The following EPM2A variants were observed in gnomAD, a reference collection of about 807,000 sequenced individuals.
EPM2A encodes the protein laforin.
EPM2A carries 21 observed loss-of-function variants against 26.5 expected under a neutral mutation model. The observed-to-expected ratio is 0.79, with a 90% CI of 0.56 to 1.14. EPM2A has a LOEUF of 1.14. Among genes scored for constraint, EPM2A ranks in the 50% most tolerant of loss-of-function variants. EPM2A has a pLI of 0.00. For synonymous variants in EPM2A, 217 were observed against 177.6 expected (o/e 1.22, Z -1.76); for missense variants, 458 against 440.8 (o/e 1.04, Z -0.35).
chr6:145,621,958 G>GC (rs1775646621), downstream of EPM2A, among the ~76,000 whole-genome samples: 1 of 151,978 alleles, frequency 6.6e-6, no homozygotes. Context: ...ACTTCCACTT[G>GC]CTTATTTTTG....
chr6:145,659,807 A>C (rs1339657788), intron 2 of EPM2A, among the ~76,000 whole-genome samples: 1 of 152,226 alleles, frequency 6.6e-6, no homozygotes, highest in Non-Finnish European at 1.5e-5. Context: ...AGTTCCAGCC[A>C]ATCGCAGGCA....
intron 1 of EPM2A, among the ~76,000 whole-genome samples, chr6:145,710,644 T>G (rs1775261567): frequency 6.6e-6 from 1 of 152,134 alleles, no homozygotes; most frequent in Non-Finnish European, 1.5e-5. Context: ...GGATTATAAA[T>G]CATGCTGCTA....
At position 145,559,733 on chromosome 6, in the gene EPM2A, T is replaced by C. The variant is rs534189795; in HGVS notation, c.341-57158A>G. ...ACACGTAAACACCAAATCACTACGG[T>C]AAACTAATTGATACCAACTTTGTAA... On this transcript the variant is annotated intron_variant, in intron 2 of 3. Coordinates refer to the EPM2A transcript ENST00000450221. Among the ~76,000 whole-genome samples, 9 of 148,648 alleles carry C rather than the reference T, an allele frequency of 6.1e-5. No homozygotes were observed. In the East Asian group the frequency reaches 8.0e-4, roughly 13 times the overall value.
At chr6:145,610,024 G>C (rs1775357605) in intron 2 of EPM2A, among the ~76,000 whole-genome samples, 1 of 152,024 alleles carries the variant, frequency 6.6e-6, no homozygotes, top group Admixed American at 6.6e-5. Context: ...AGACCAGCCT[G>C]GCCAAGATGG....
intron 1 of EPM2A, among the ~76,000 whole-genome samples, chr6:145,703,475 G>T (rs1037877638): frequency 6.6e-6 from 1 of 152,006 alleles, no homozygotes; most frequent in Non-Finnish European, 1.5e-5. Flanking sequence ...ATGTTACATA[G>T]CATTTTAGCC....
intron 4 of EPM2A, among the ~76,000 whole-genome samples, chr6:145,453,420 G>T (rs1456465537): frequency 6.6e-6 from 1 of 152,092 alleles, no homozygotes; most frequent in Non-Finnish European, 1.5e-5. Context: ...GTTTTTGAGA[G>T]AGCCAGTGTC....
chr6:145,573,187 T>A (rs907191759), intron 2 of EPM2A, among the ~76,000 whole-genome samples: 1 of 152,220 alleles, frequency 6.6e-6, no homozygotes, highest in Non-Finnish European at 1.5e-5. Flanking sequence ...GTGTGATATC[T>A]TGCAGAAGTG....
chr6:145,573,387 G>A (rs1185361319), intron 2 of EPM2A, among the ~76,000 whole-genome samples: 1 of 152,228 alleles, frequency 6.6e-6, no homozygotes, highest in Non-Finnish European at 1.5e-5. Flanking sequence ...CAGGTACCAG[G>A]AGATGTGTTA....
At chr6:145,401,646 G>A (rs999884302) in intron 4 of EPM2A, among the ~76,000 whole-genome samples, 4 of 152,052 alleles carry the variant, frequency 2.6e-5, no homozygotes, top group African/African-American at 9.7e-5. Flanking sequence ...GGATTTCATG[G>A]GCTGAATCTC....
chr6:145,417,682 CT>C (rs1778727403), intron 4 of EPM2A, among the ~76,000 whole-genome samples: 1 of 152,084 alleles, frequency 6.6e-6, no homozygotes, highest in African/African-American at 2.4e-5. Context: ...GAGGGGGTGA[CT>C]TTTTTCTGAA....
At chr6:145,556,713 C>A (rs976079768) in intron 2 of EPM2A, among the ~76,000 whole-genome samples, 3 of 152,096 alleles carry the variant, frequency 2.0e-5, no homozygotes, top group African/African-American at 7.2e-5. Flanking sequence ...AGGTAGTATT[C>A]TCTTTGGAGT....
chr6:145,722,581 C>A (rs937343016), intron 1 of EPM2A, among the ~76,000 whole-genome samples: 1 of 152,082 alleles, frequency 6.6e-6, no homozygotes, highest in Non-Finnish European at 1.5e-5. Context: ...TAAATCATAA[C>A]CCGAAATGTT....
chr6:145,468,621 AAAAATCAAATC>A (rs1405865827), intron 4 of EPM2A, among the ~76,000 whole-genome samples: 1 of 93,358 alleles, frequency 1.1e-5, no homozygotes, highest in Non-Finnish European at 2.1e-5. Context: ...CATCATATAC[AAAAATCAAATC>A]AAAAAGATTG....
intron 4 of EPM2A, among the ~76,000 whole-genome samples, chr6:145,487,090 T>C (rs771069911): frequency 6.6e-5 from 10 of 152,290 alleles, no homozygotes; most frequent in Non-Finnish European, 1.3e-4. Context: ...GAGAACGTTG[T>C]ACTTGATTTT....
At chr6:145,728,416 C>T (rs1435386298) in intron 1 of EPM2A, among the ~76,000 whole-genome samples, 1 of 152,108 alleles carries the variant, frequency 6.6e-6, no homozygotes, top group Admixed American at 6.5e-5. Context: ...ACAGTGAAGT[C>T]CAGGCTGAGG....
chr6:145,630,857 T>C (rs753068158), intron 3 of EPM2A: 1 of 152,198 alleles, frequency 6.6e-6, no homozygotes, highest in Non-Finnish European at 1.5e-5. Context: ...TGATCTTCAA[T>C]TTATATATGA....
rs936403364 is a variant in EPM2A, at chr6:145,626,036, G to A, written c.*1380C>T. 18 of 1,122,394 alleles carry A rather than the reference G, an allele frequency of 1.6e-5. No homozygotes were observed. Among genetic ancestry groups the A allele is most frequent in the Non-Finnish European group, 1.3e-5 (11 of 879,344 alleles). The allele number at this position is 1,122,394 out of a possible 1,614,324, so 69.5% of individuals were successfully genotyped here. A position where few individuals can be genotyped will look rare whatever the true frequency, so the allele number is the denominator to read the frequency against. ...ACCTTAGTTTCCCCATCTTTATCAT[G>A]GAGATAATGAGACCTTCTTCATTGG... On this transcript the variant is annotated 3_prime_UTR_variant, in exon 4 of 4. Transcript: ENST00000367519.
chr6:145,643,418 G>A (rs186092005), intron 2 of EPM2A, among the ~76,000 whole-genome samples: 71 of 152,038 alleles, frequency 4.7e-4, no homozygotes, highest in Non-Finnish European at 1.9e-4. Context: ...AATAAAGTAG[G>A]GTTTGACTGA....
chr6:145,545,818 A>G (rs1780576055), intron 2 of EPM2A, among the ~76,000 whole-genome samples: 1 of 151,988 alleles, frequency 6.6e-6, no homozygotes, highest in Admixed American at 6.5e-5. Flanking sequence ...TTTCCCAACT[A>G]AGCTATTTGC....
Sources: gnomAD v4.1 joint callset for allele counts (sites outside exome capture counted in the v4.1 genomes callset) on GRCh38, gnomAD v4.1.1 for gene constraint, MANE v1.5 for transcripts, NCBI Gene and HGNC (gene_info 2026-07-23, HGNC 2026-07-21) for gene names.